ASTN2: variants seen among roughly 807,000 people sequenced by gnomAD.
ASTN2 encodes the protein astrotactin-2.
A neutral mutation model predicts 139.8 loss-of-function variants in ASTN2; 54 were observed. The observed-to-expected ratio is 0.39, with a 90% CI of 0.31 to 0.48. The LOEUF (loss-of-function observed/expected upper bound fraction) is 0.48, where lower values mean the gene tolerates loss of function less well. ASTN2 is among the 20% of genes least tolerant of loss of function. ASTN2 has a pLI of 0.95. For synonymous variants in ASTN2, 756 were observed against 719.5 expected, an observed-to-expected ratio of 1.05 and a Z score of -0.81; for missense variants, 1,565 against 1,725.1, an observed-to-expected ratio of 0.91 and a Z score of 1.64.
intron 1 of ASTN2, among the ~76,000 whole-genome samples, chr9:117,291,954 G>A (rs184955166): frequency 2.8e-4 from 43 of 152,254 alleles, no homozygotes; most frequent in Admixed American, 7.8e-4. Flanking sequence ...GCCAAACCTC[G>A]GAGCCAGAAA....
chr9:116,588,857 G>A (rs1197755496), intron 19 of ASTN2, among the ~76,000 whole-genome samples: 1 of 152,066 alleles, frequency 6.6e-6, no homozygotes, highest in African/African-American at 2.4e-5. Flanking sequence ...GGTAAATAAA[G>A]AAAAAGAGGT....
chr9:116,700,891 A>C (rs1457058281), intron 16 of ASTN2: 2 of 166,964 alleles, frequency 1.2e-5, no homozygotes, highest in East Asian at 3.8e-4. Context: ...ATTCAGCCAA[A>C]AGCACTATTA....
chr9:116,531,733 T>C (rs10983221), intron 19 of ASTN2, among the ~76,000 whole-genome samples: 48,015 of 152,062 alleles, frequency 0.32, 8,754 homozygotes, highest in Admixed American at 0.44. Flanking sequence ...CCATGGTGTA[T>C]ATGTGCCACA....
At chr9:116,917,387 G>T (rs1834478793) in intron 10 of ASTN2, among the ~76,000 whole-genome samples, 1 of 152,060 alleles carries the variant, frequency 6.6e-6, no homozygotes, top group Non-Finnish European at 1.5e-5. Context: ...TGTCTACTTG[G>T]ATCATGATTG....
chr9:117,180,663 A>G, intron 3 of ASTN2: 1 of 1,366,194 alleles, frequency 7.3e-7, no homozygotes, highest in African/African-American at 1.7e-5. Flanking sequence ...AGTAGAATTT[A>G]TTGGTGAGTA....
intron 1 of ASTN2, among the ~76,000 whole-genome samples, chr9:117,312,804 A>G (rs1828018265): frequency 6.6e-6 from 1 of 152,138 alleles, no homozygotes; most frequent in Non-Finnish European, 1.5e-5. Flanking sequence ...AAATGAAAGG[A>G]TCAGATGTCT....
At chr9:116,529,669 G>A (rs1851237804) in intron 19 of ASTN2, among the ~76,000 whole-genome samples, 1 of 152,076 alleles carries the variant, frequency 6.6e-6, no homozygotes, top group African/African-American at 2.4e-5. Context: ...CAGGGGAGGG[G>A]CCTGGTGGGA....
rs567603781 is a variant in ASTN2, at chr9:116,469,644, T to C, written c.3497+17715A>G. Among the ~76,000 whole-genome samples the C allele has an allele frequency of 3.9e-5, 6 of 152,312 alleles. No homozygotes were observed. The South Asian group carries it at 8.3e-4, about 21-fold the overall frequency. On this transcript the variant is annotated intron_variant, in intron 20 of 22. Transcript: ENST00000313400. ...TCTCTAAAGTGAGAGGGGAAAAGTA[T>C]CTGCCTAATAATTCTAGCTATGCTA...
chr9:116,875,647 AGAG>A (rs1457251095), intron 10 of ASTN2, among the ~76,000 whole-genome samples: 1 of 152,220 alleles, frequency 6.6e-6, no homozygotes, highest in Non-Finnish European at 1.5e-5. Flanking sequence ...TCATTGCTAG[AGAG>A]GAGAAGCCTG....
chr9:117,248,206 G>A (rs964967182), intron 2 of ASTN2, among the ~76,000 whole-genome samples: 1 of 152,196 alleles, frequency 6.6e-6, no homozygotes, highest in Non-Finnish European at 1.5e-5. Flanking sequence ...CAAGTGAAGT[G>A]TTATGGTGGA....
At chr9:117,366,609 C>T (rs1325485914) in intron 1 of ASTN2, among the ~76,000 whole-genome samples, 1 of 151,990 alleles carries the variant, frequency 6.6e-6, no homozygotes, top group African/African-American at 2.4e-5. Context: ...TATGAGTACC[C>T]AATTTTTCCT....
At position 117,144,854 on chromosome 9, in the gene ASTN2, A is replaced by G. The variant is rs918017357; in HGVS notation, c.1016-3376T>C. ...GCACCACCATGCCTATACTATATAT[A>G]GGATTTTTAGTAGAGGTGGGGTTTC... On this transcript the variant is annotated intron_variant, in intron 3 of 22. Transcript: ENST00000313400. Among the ~76,000 whole-genome samples the G allele has an allele frequency of 3.3e-5, 5 of 151,292 alleles. No homozygotes were observed. The East Asian group carries it at 9.8e-4, about 30-fold the overall frequency.
chr9:116,785,807 A>G (rs1830358766), intron 13 of ASTN2, among the ~76,000 whole-genome samples: 1 of 152,126 alleles, frequency 6.6e-6, no homozygotes, highest in South Asian at 2.1e-4. Context: ...CATCTGGACC[A>G]CAGAAGTAGC....
intron 19 of ASTN2, among the ~76,000 whole-genome samples, chr9:116,580,137 A>G (rs1373005779): frequency 1.3e-5 from 2 of 152,212 alleles, no homozygotes; most frequent in Admixed American, 6.5e-5. Context: ...TTATCTTTAA[A>G]GTAAGAAAGT....
At chr9:116,916,046 G>T (rs1376177764) in intron 10 of ASTN2, among the ~76,000 whole-genome samples, 3 of 152,198 alleles carry the variant, frequency 2.0e-5, no homozygotes, top group Admixed American at 6.5e-5. Flanking sequence ...GAATTAAATT[G>T]CAGGACACTT....
intron 5 of ASTN2, among the ~76,000 whole-genome samples, chr9:117,083,989 G>A (rs1828496686): frequency 2.0e-5 from 3 of 149,748 alleles, no homozygotes; most frequent in Admixed American, 2.0e-4. Flanking sequence ...AAGACTGCTT[G>A]ACGTTTCTGT....
At chr9:117,125,792 G>C (rs756885278) in intron 4 of ASTN2, among the ~76,000 whole-genome samples, 5 of 151,040 alleles carry the variant, frequency 3.3e-5, no homozygotes, top group Non-Finnish European at 7.4e-5. Context: ...CTGTTAAAAG[G>C]ATATAAATGT....
In ASTN2 at chr9:116,743,358, C is replaced by T. The variant is rs112412087; in HGVS notation, c.2397-9835G>A. On this transcript the variant is annotated intron_variant, in intron 13 of 22. Transcript: ENST00000313400. ...GAGGTCAGGAGATTGAGACCATCCT[C>T]GCTAACATGGTGAAACCCCGCCTCT... Among the ~76,000 whole-genome samples, 1,201 of 152,222 alleles carry T rather than the reference C, an allele frequency of 7.9e-3. 12 individuals are homozygous for T. Among genetic ancestry groups the T allele is most frequent in the African/African-American group, 0.026 (1,083 of 41,544 alleles).
At chr9:116,651,185 G>C (rs1857892977) in intron 17 of ASTN2, among the ~76,000 whole-genome samples, 1 of 152,042 alleles carries the variant, frequency 6.6e-6, no homozygotes, top group Non-Finnish European at 1.5e-5. Flanking sequence ...CCAAAGTGTT[G>C]AGATTACAGG....
Sources: gnomAD v4.1 joint callset for allele counts (sites outside exome capture counted in the v4.1 genomes callset) on GRCh38, gnomAD v4.1.1 for gene constraint, MANE v1.5 for transcripts, NCBI Gene and HGNC (gene_info 2026-07-23, HGNC 2026-07-21) for gene names.